The following SNTG2 variants were observed in gnomAD, a reference collection of about 807,000 sequenced individuals.
SNTG2 encodes syntrophin gamma 2.
SNTG2 carries 74 observed loss-of-function variants against 70.9 expected under a neutral mutation model. That is an observed-to-expected ratio of 1.04 (90% confidence interval 0.86 to 1.27). The LOEUF (loss-of-function observed/expected upper bound fraction) is 1.27, where lower values mean the gene tolerates loss of function less well. SNTG2 is among the 50% of genes most tolerant of loss of function. The pLI is 0.00. For missense variants in SNTG2, 717 were observed against 690.7 expected, an observed-to-expected ratio of 1.04 and a Z score of -0.43; for synonymous variants, 278 against 273.8, an observed-to-expected ratio of 1.02 and a Z score of -0.15.
intron 4 of SNTG2, chr2:1,103,351 C>A: frequency 7.4e-6 from 2 of 268,634 alleles, no homozygotes; most frequent in South Asian, 3.9e-5. Context: ...ATTCATTAAC[C>A]TTTCAAATAA....
At chr2:1,038,482 G>A (rs1177780023) in intron 1 of SNTG2, among the ~76,000 whole-genome samples, 4 of 152,196 alleles carry the variant, frequency 2.6e-5, no homozygotes, top group Non-Finnish European at 4.4e-5. Flanking sequence ...CTTCCTTGAA[G>A]TCATAGCCCC....
At chr2:1,287,181 T>C (rs1037375206) in intron 14 of SNTG2, among the ~76,000 whole-genome samples, 1 of 152,230 alleles carries the variant, frequency 6.6e-6, no homozygotes, top group African/African-American at 2.4e-5. Flanking sequence ...TCCTTCTGTC[T>C]AAACAATGAG....
Position 1,259,386 on chromosome 2 carries a change from G to C in SNTG2, c.1022G>C (p.Trp341Ser). The C allele has an allele frequency of 1.2e-6, 2 of 1,613,962 alleles. No individual in the cohort carries two copies. Among genetic ancestry groups the C allele is most frequent in the South Asian group, 1.1e-5 (1 of 91,062 alleles). The change falls in exon 13 of 17, where the codon TGG becomes TCG. Residue 341 changes from tryptophan to serine, a missense_variant. Coordinates refer to ENST00000308624, the MANE Select transcript of SNTG2 (RefSeq NM_018968.4). Reference protein sequence around the residue: ...FSTPPVSTFDWVRAERTYHLC... With the variant: ...FSTPPVSTFDSVRAERTYHLC... ...TTCTTGCAGGTGAGCACATTCGATT[G>C]GGTGCGAGCAGAAAGGACCTATCAC...
chr2:1,312,309 G>T (rs780421150), intron 15 of SNTG2, among the ~76,000 whole-genome samples: 1 of 152,118 alleles, frequency 6.6e-6, no homozygotes, highest in African/African-American at 2.4e-5. Context: ...CTCCTGCCCC[G>T]TCCAAGCGCA....
At chr2:1,335,169 A>G (rs888691379) in intron 16 of SNTG2, among the ~76,000 whole-genome samples, 1 of 133,450 alleles carries the variant, frequency 7.5e-6, no homozygotes, top group Admixed American at 7.3e-5. Context: ...GACCTTGAAC[A>G]TACCCCCGTG....
At chr2:1,049,882 C>G (rs745600224) in intron 1 of SNTG2, among the ~76,000 whole-genome samples, 1 of 152,186 alleles carries the variant, frequency 6.6e-6, no homozygotes, top group South Asian at 2.1e-4. Flanking sequence ...ACTGGCAGTT[C>G]TCCAGTGACA....
chr2:1,187,616 C>G (rs1019660950), intron 8 of SNTG2, among the ~76,000 whole-genome samples: 3 of 152,020 alleles, frequency 2.0e-5, no homozygotes, highest in African/African-American at 7.3e-5. Context: ...TCAGAAGAAC[C>G]CTGACTAATA....
chr2:968,622 C>T (rs1295112284), intron 1 of SNTG2, among the ~76,000 whole-genome samples: 4 of 152,102 alleles, frequency 2.6e-5, no homozygotes, highest in African/African-American at 4.8e-5. Context: ...CATGTATTAC[C>T]TATAGAGTGG....
At chr2:1,200,123 C>T (rs1282551656) in intron 8 of SNTG2, among the ~76,000 whole-genome samples, 1 of 151,798 alleles carries the variant, frequency 6.6e-6, no homozygotes, top group Non-Finnish European at 1.5e-5. Flanking sequence ...AAATACACTA[C>T]AGAGCTATAG....
chr2:1,113,468 G>T (rs1219680538), intron 4 of SNTG2, among the ~76,000 whole-genome samples: 3 of 152,166 alleles, frequency 2.0e-5, no homozygotes, highest in Non-Finnish European at 4.4e-5. Context: ...AGTCCTTTGA[G>T]AAGGGTCGTG....
chr2:1,043,463 T>C (rs745954845), intron 1 of SNTG2, among the ~76,000 whole-genome samples: 13 of 152,192 alleles, frequency 8.5e-5, no homozygotes, highest in African/African-American at 3.1e-4. Flanking sequence ...TGCAATTGCA[T>C]TTGGAGTTTT....
chr2:1,259,680 A>G (rs1463848705), intron 13 of SNTG2, among the ~76,000 whole-genome samples: 1 of 152,158 alleles, frequency 6.6e-6, no homozygotes, highest in Non-Finnish European at 1.5e-5. Flanking sequence ...TTTATGTGGT[A>G]TGTGGTGTTT....
intron 4 of SNTG2, among the ~76,000 whole-genome samples, chr2:1,100,138 A>T (rs1296988334): frequency 6.6e-6 from 1 of 151,614 alleles, no homozygotes; most frequent in Non-Finnish European, 1.5e-5. Flanking sequence ...GAATGAAAGG[A>T]CGATTCTTTT....
intron 6 of SNTG2, among the ~76,000 whole-genome samples, chr2:1,140,384 A>G (rs1428251597): frequency 6.6e-6 from 1 of 152,234 alleles, no homozygotes; most frequent in African/African-American, 2.4e-5. Flanking sequence ...TTCACTGGGC[A>G]AATTCTGAGA....
intron 8 of SNTG2, among the ~76,000 whole-genome samples, chr2:1,203,968 T>C (rs4553854): frequency 0.32 from 49,306 of 151,938 alleles, 8,546 homozygotes; most frequent in East Asian, 0.66. Flanking sequence ...AATGAATAAT[T>C]TGCTGACACA....
At chr2:1,335,514 A>G (rs1659775306) in intron 16 of SNTG2, among the ~76,000 whole-genome samples, 1 of 152,202 alleles carries the variant, frequency 6.6e-6, no homozygotes, top group South Asian at 2.1e-4. Context: ...AACAATAGCC[A>G]TGTAGGTAAG....
At chr2:1,354,815 G>A (rs1232130804) in intron 16 of SNTG2, among the ~76,000 whole-genome samples, 5 of 152,242 alleles carry the variant, frequency 3.3e-5, no homozygotes, top group African/African-American at 1.2e-4. Context: ...CGGCTGGAGT[G>A]ACGTGTGAGA....
At chr2:1,189,381 C>A (rs1672437826) in intron 8 of SNTG2, among the ~76,000 whole-genome samples, 1 of 133,640 alleles carries the variant, frequency 7.5e-6, no homozygotes. Flanking sequence ...CAAGACAGTT[C>A]TCAACATATT....
intron 6 of SNTG2, among the ~76,000 whole-genome samples, chr2:1,154,284 C>T (rs893207321): frequency 5.3e-5 from 8 of 152,098 alleles, no homozygotes; most frequent in East Asian, 1.9e-4. Context: ...GGCGCTGGCA[C>T]GGGCGTGGAG....
Sources: allele counts gnomAD v4.1 joint callset (sites outside exome capture counted in the v4.1 genomes callset), GRCh38; gene constraint gnomAD v4.1.1; transcripts MANE v1.5; gene names NCBI Gene and HGNC (gene_info 2026-07-23, HGNC 2026-07-21).